The following FAM184A variants were observed in gnomAD, a reference collection of about 807,000 sequenced individuals.
FAM184A encodes the protein family with sequence similarity 184 member A, also known as protein FAM184A.
Under a neutral mutation model 143.8 loss-of-function variants are expected in FAM184A, and 99 were observed. That is an observed-to-expected ratio of 0.69 (90% CI 0.58 to 0.81). The LOEUF is 0.81. FAM184A is among the 40% of genes least tolerant of loss of function. The probability of loss-of-function intolerance (pLI) is 0.00; values close to 1 mark genes in which losing one functional copy is unlikely to be tolerated. For missense variants in FAM184A, 1,217 were observed against 1,310.5 expected, an observed-to-expected ratio of 0.93 and a Z score of 1.10; for synonymous variants, 427 against 446.4, an observed-to-expected ratio of 0.96 and a Z score of 0.55.
chr6:119,010,852 T>C (rs570776321), intron 6 of FAM184A, among the ~76,000 whole-genome samples: 17 of 152,296 alleles, frequency 1.1e-4, no homozygotes, highest in African/African-American at 2.6e-4. Flanking sequence ...CGATATGAGA[T>C]TGAAGAAGAG....
intron 12 of FAM184A, 21 bp downstream of exon 12, chr6:118,975,896 G>A (rs377744823): frequency 1.2e-6 from 2 of 1,605,806 alleles, no homozygotes; most frequent in Non-Finnish European, 1.7e-6. Flanking sequence ...AATCATCAGA[G>A]TACAGAATAC....
At chr6:119,037,358 G>A (rs77072413) in intron 1 of FAM184A, among the ~76,000 whole-genome samples, 2 of 152,138 alleles carry the variant, frequency 1.3e-5, no homozygotes, top group South Asian at 2.1e-4. Flanking sequence ...AAGAGACAGG[G>A]CTTCACTATG....
intron 1 of FAM184A, among the ~76,000 whole-genome samples, chr6:119,098,362 C>CTAA (rs1788561868): frequency 6.6e-6 from 1 of 152,122 alleles, no homozygotes; most frequent in South Asian, 2.1e-4. Context: ...GTGAAACAGA[C>CTAA]TAATACAGAG....
At chr6:119,061,080 G>A (rs1390712004) in intron 1 of FAM184A, among the ~76,000 whole-genome samples, 4 of 152,188 alleles carry the variant, frequency 2.6e-5, no homozygotes, top group Non-Finnish European at 5.9e-5. Flanking sequence ...GACACAATTT[G>A]AAAATGTCAA....
intron 1 of FAM184A, among the ~76,000 whole-genome samples, chr6:119,140,363 T>C (rs1299705650): frequency 6.6e-6 from 1 of 152,164 alleles, no homozygotes; most frequent in East Asian, 1.9e-4. Context: ...TCAGTGAAAA[T>C]GATTCTCCAC....
chr6:118,964,809 C>T (rs1783447035), intron 15 of FAM184A, 38 bp from the exon 16 acceptor site: 1 of 1,094,890 alleles, frequency 9.1e-7, no homozygotes, highest in Non-Finnish European at 1.3e-6. Context: ...TAAATATTTT[C>T]TATGGAATAT....
intron 7 of FAM184A, 45 bp downstream of exon 7, chr6:119,006,398 CTATT>C (rs1288160922): frequency 6.3e-7 from 1 of 1,575,918 alleles, no homozygotes; most frequent in Admixed American, 1.8e-5. Flanking sequence ...TGGCTAAATT[CTATT>C]TTTATTTTGC....
At chr6:119,063,979 T>A (rs1410314480) in intron 1 of FAM184A, among the ~76,000 whole-genome samples, 1 of 152,160 alleles carries the variant, frequency 6.6e-6, no homozygotes, top group East Asian at 1.9e-4. Context: ...TTTGGGATTC[T>A]AAATTCTAAT....
chr6:118,984,752 T>C (rs188502669), intron 9 of FAM184A, among the ~76,000 whole-genome samples: 1 of 152,318 alleles, frequency 6.6e-6, no homozygotes, highest in African/African-American at 2.4e-5. Flanking sequence ...ATAAAGCATG[T>C]CTTGAGATAG....
chr6:118,962,051 G>GAAGATA, intron 16 of FAM184A, 88 bp from the exon 17 acceptor site: 1 of 1,254,832 alleles, frequency 8.0e-7, no homozygotes, highest in Middle Eastern at 1.9e-4. Context: ...ATTTGGCATG[G>GAAGATA]GAAAATTTTG....
At chr6:119,073,443 A>T (rs1787763529) in intron 1 of FAM184A, among the ~76,000 whole-genome samples, 1 of 152,208 alleles carries the variant, frequency 6.6e-6, no homozygotes, top group African/African-American at 2.4e-5. Context: ...AGAACCAGAG[A>T]CGATAGAAAT....
intron 14 of FAM184A, among the ~76,000 whole-genome samples, chr6:118,969,532 C>T (rs1190895096): frequency 2.0e-5 from 3 of 152,104 alleles, no homozygotes; most frequent in Admixed American, 2.0e-4. Flanking sequence ...TGATACTATT[C>T]CGATATCCAT....
chr6:119,049,390 G>A (rs1336480503), intron 1 of FAM184A, among the ~76,000 whole-genome samples: 4 of 152,256 alleles, frequency 2.6e-5, no homozygotes, highest in Non-Finnish European at 5.9e-5. Flanking sequence ...AGAGATTGCA[G>A]TGAGCCAAGA....
At chr6:119,003,994 C>A (rs1175622868) in intron 7 of FAM184A, among the ~76,000 whole-genome samples, 4 of 152,194 alleles carry the variant, frequency 2.6e-5, no homozygotes, top group Non-Finnish European at 5.9e-5. Flanking sequence ...TATTCAAATT[C>A]ACTTATATTC....
At position 118,991,107 on chromosome 6, in the gene FAM184A, T is replaced by A. The variant is rs189436922; in HGVS notation, c.2089-10757A>T. On this transcript the variant is annotated intron_variant, in intron 9 of 17. Coordinates refer to ENST00000338891, the MANE Select transcript of FAM184A (RefSeq NM_024581.6). ...TTAAAAAGGCTGGTGTGATAGGGAA[T>A]GACTGGAGGAGATATTGAGTTGATG... Among the ~76,000 whole-genome samples, 967 of 151,980 alleles carry A rather than the reference T, an allele frequency of 6.4e-3. 5 individuals are homozygous for A. Among genetic ancestry groups the A allele is most frequent in the Non-Finnish European group, 0.01 (702 of 67,962 alleles).
rs1000905754 is a variant in FAM184A at position 118,975,940 on chromosome 6, T to G, written c.2560A>C (p.Ser854Arg). ...ACCTGTCTTCTGCTGATGTCTATGC[T>G]TCTCTCTAATTCCATTTTAGCAGCT... ...LAAAKMELER[S>R]IDISRRQSKE... Residue 854 changes from serine (S) to arginine (R), a missense_variant, in exon 12 of 18, where the codon AGC becomes CGC. Transcript: ENST00000338891. The G allele has an allele frequency of 3.1e-6, 5 of 1,613,188 alleles. No homozygotes were observed. Among genetic ancestry groups the G allele is most frequent in the South Asian group, 1.1e-5 (1 of 91,010 alleles).
chr6:118,967,392 A>G (rs1783533009), intron 14 of FAM184A, among the ~76,000 whole-genome samples: 1 of 152,236 alleles, frequency 6.6e-6, no homozygotes, highest in African/African-American at 2.4e-5. Context: ...TAAAAAGGAC[A>G]AGAAACAAAT....
chr6:118,998,461 G>A (rs140128248), intron 9 of FAM184A, among the ~76,000 whole-genome samples: 1 of 152,326 alleles, frequency 6.6e-6, no homozygotes, highest in East Asian at 1.9e-4. Context: ...GAACTTACAT[G>A]TGAATAGGTG....
chr6:118,962,485 C>T (rs1783364618), intron 16 of FAM184A: 2 of 154,062 alleles, frequency 1.3e-5, no homozygotes, highest in African/African-American at 2.4e-5. Context: ...AAACAAATTG[C>T]ACATTTCTAC....
Sources: gnomAD v4.1 joint callset for allele counts (sites outside exome capture counted in the v4.1 genomes callset) on GRCh38, gnomAD v4.1.1 for gene constraint, MANE v1.5 for transcripts, NCBI Gene and HGNC (gene_info 2026-07-23, HGNC 2026-07-21) for gene names.